MAP3K20: variants seen among roughly 807,000 people sequenced by gnomAD.
MAP3K20 encodes HCCS-4.
Under a neutral mutation model 85.7 loss-of-function variants are expected in MAP3K20, and 40 were observed. The observed-to-expected ratio is 0.47, with a 90% confidence interval of 0.36 to 0.61. The LOEUF is 0.61. Among genes scored for constraint, MAP3K20 ranks in the 20% least tolerant of loss-of-function variants. The probability of loss-of-function intolerance (pLI) is 0.00; values close to 1 mark genes in which losing one functional copy is unlikely to be tolerated. For synonymous variants in MAP3K20, 325 were observed against 327.7 expected, an observed-to-expected ratio of 0.99 and a Z score of 0.09; for missense variants, 817 against 961.7, an observed-to-expected ratio of 0.85 and a Z score of 1.99.
At chr2:173,220,286 A>G (rs893331383) in intron 11 of MAP3K20, among the ~76,000 whole-genome samples, 1 of 152,330 alleles carries the variant, frequency 6.6e-6, no homozygotes, top group Admixed American at 6.5e-5. Context: ...ATTTATGGGA[A>G]TAAGTTGGCT....
chr2:173,200,374 A>G (rs1046829010), intron 8 of MAP3K20, among the ~76,000 whole-genome samples: 1 of 152,214 alleles, frequency 6.6e-6, no homozygotes, highest in Non-Finnish European at 1.5e-5. Context: ...CTTAAACATA[A>G]TTTACAAAAT....
chr2:173,195,358 C>G (rs1690796068), intron 7 of MAP3K20, among the ~76,000 whole-genome samples: 1 of 152,116 alleles, frequency 6.6e-6, no homozygotes, highest in Non-Finnish European at 1.5e-5. Flanking sequence ...CAGGTAATGG[C>G]TTTCTATTGT....
At chr2:173,110,114 A>G (rs142309827) in intron 2 of MAP3K20, among the ~76,000 whole-genome samples, 183 of 147,934 alleles carry the variant, frequency 1.2e-3, no homozygotes, top group African/African-American at 4.2e-3. Context: ...AATAAGTAAA[A>G]TTATCTTTTT....
chr2:173,090,861 C>T, intron 1 of MAP3K20, 137 bp from the exon 2 acceptor site: 1 of 1,351,856 alleles, frequency 7.4e-7, no homozygotes, highest in Non-Finnish European at 9.5e-7. Flanking sequence ...TATAATCTTG[C>T]TTTTCTTCTT....
chr2:173,219,696 GAACT>G (rs1574127702), intron 11 of MAP3K20, among the ~76,000 whole-genome samples: 1 of 152,114 alleles, frequency 6.6e-6, no homozygotes, highest in Non-Finnish European at 1.5e-5. Context: ...TAAAGTTATT[GAACT>G]AACAACTCCA....
At chr2:173,103,191 G>A (rs193291762) in intron 2 of MAP3K20, among the ~76,000 whole-genome samples, 208 of 152,300 alleles carry the variant, frequency 1.4e-3, no homozygotes, top group African/African-American at 4.9e-3. Context: ...GAAAGCGAGG[G>A]ACTTTTTCTC....
chr2:173,220,185 A>G (rs1684201605), intron 11 of MAP3K20, among the ~76,000 whole-genome samples: 1 of 152,198 alleles, frequency 6.6e-6, no homozygotes. Flanking sequence ...TGCCAAAAAC[A>G]TAAGCCTTGA....
At chr2:173,220,057 G>C (rs1027914274) in intron 11 of MAP3K20, among the ~76,000 whole-genome samples, 6 of 44,766 alleles carry the variant, frequency 1.3e-4, no homozygotes, top group African/African-American at 6.8e-4. Flanking sequence ...AACAGTGCTA[G>C]ACTCTGTCTC....
chr2:173,138,408 T>C (rs1052432851), intron 2 of MAP3K20, among the ~76,000 whole-genome samples: 1 of 152,208 alleles, frequency 6.6e-6, no homozygotes, highest in Non-Finnish European at 1.5e-5. Context: ...AGTCATAGCA[T>C]TGTAATATGG....
In MAP3K20 at chr2:173,225,559, A is replaced by G. The variant is rs554132786; in HGVS notation, c.988-4130A>G. The stretch of plus-strand genomic sequence containing the variant: ...CAGTGAGCTGAGATTGCACCACTAC[A>G]CTCCAGCCTGGATGACAGAGTGAGA... On this transcript the variant is annotated intron_variant, in intron 11 of 19. Transcript: ENST00000375213. 12 of 966,460 alleles carry G rather than the reference A, an allele frequency of 1.2e-5. 1 individual carries two copies. In the East Asian group the frequency reaches 8.3e-4, roughly 67 times the overall value. The allele number at this position is 966,460 out of a possible 1,614,324, so 59.9% of individuals were successfully genotyped here. A position where few individuals can be genotyped will look rare whatever the true frequency, so the allele number is the denominator to read the frequency against.
chr2:173,089,179 T>A (rs1007422737), intron 1 of MAP3K20, among the ~76,000 whole-genome samples: 5 of 133,100 alleles, frequency 3.8e-5, no homozygotes, highest in African/African-American at 1.3e-4. Flanking sequence ...TCTACCTTTT[T>A]ATTTAAAAAA....
chr2:173,145,582 C>G (rs956958496), intron 2 of MAP3K20, among the ~76,000 whole-genome samples: 1 of 152,146 alleles, frequency 6.6e-6, no homozygotes, highest in African/African-American at 2.4e-5. Flanking sequence ...TTCACCCAGA[C>G]TAGAAAGGCT....
At chr2:173,122,376 A>G (rs1034179952) in intron 2 of MAP3K20, among the ~76,000 whole-genome samples, 4 of 152,176 alleles carry the variant, frequency 2.6e-5, no homozygotes, top group African/African-American at 9.7e-5. Flanking sequence ...ACTTGTGGGG[A>G]AACTTGGTGT....
At chr2:173,113,757 G>A (rs887704599) in intron 2 of MAP3K20, among the ~76,000 whole-genome samples, 2 of 152,082 alleles carry the variant, frequency 1.3e-5, no homozygotes, top group African/African-American at 2.4e-5. Context: ...CTGAGAGAGT[G>A]CTTGATATAA....
At chr2:173,139,329 C>T (rs566979937) in intron 2 of MAP3K20, among the ~76,000 whole-genome samples, 217 of 152,266 alleles carry the variant, frequency 1.4e-3, no homozygotes, top group African/African-American at 4.8e-3. Flanking sequence ...GCATTTACCT[C>T]CTGTTTGAAT....
At position 173,266,047 on chromosome 2, in the gene MAP3K20, C is replaced by T. The variant is rs1267894467; in HGVS notation, c.1703-3C>T. 6.4e-7 allele frequency: 1 copy of T among 1,557,358 alleles called. No homozygotes were observed. The highest frequency in any genetic ancestry group is 8.7e-7 in the Non-Finnish European group (1 of 1,148,144). On this transcript the variant is annotated splice_polypyrimidine_tract_variant and splice_region_variant and intron_variant, in intron 19 of 19. Transcript: ENST00000375213. ...AAGATGCTCATTTCCATTTCTCCCGCAGGTGCTGATTGCCAGTGGTTAGAT... is the reference window on the plus strand; with the variant it reads ...AAGATGCTCATTTCCATTTCTCCCGTAGGTGCTGATTGCCAGTGGTTAGAT...
intron 2 of MAP3K20, among the ~76,000 whole-genome samples, chr2:173,158,082 G>C (rs890210388): frequency 1.3e-5 from 2 of 152,072 alleles, no homozygotes; most frequent in Non-Finnish European, 1.5e-5. Flanking sequence ...TTGTACCCTC[G>C]GGCAAGTTTT....
intron 3 of MAP3K20, among the ~76,000 whole-genome samples, chr2:173,173,782 G>A (rs966476141): frequency 1.3e-5 from 2 of 152,034 alleles, no homozygotes; most frequent in African/African-American, 4.8e-5. Flanking sequence ...AAGAGATTTC[G>A]TGGTAATGGT....
chr2:173,193,681 TTCTTAAACA>T (rs1690733113), intron 7 of MAP3K20, among the ~76,000 whole-genome samples: 2 of 152,222 alleles, frequency 1.3e-5, no homozygotes, highest in Non-Finnish European at 2.9e-5. Flanking sequence ...TTGACCCCAT[TTCTTAAACA>T]TAGTTTGAGT....
Sources: gnomAD v4.1 joint callset for allele counts (sites outside exome capture counted in the v4.1 genomes callset) on GRCh38, gnomAD v4.1.1 for gene constraint, MANE v1.5 for transcripts, NCBI Gene and HGNC (gene_info 2026-07-23, HGNC 2026-07-21) for gene names.